The following SMAD7 variants were observed in gnomAD, a reference collection of about 807,000 sequenced individuals.
SMAD7 encodes the protein MAD (mothers against decapentaplegic, Drosophila) homolog 7.
A neutral mutation model predicts 38.7 loss-of-function variants in SMAD7; 8 were observed. The ratio of observed to expected loss-of-function variants is 0.21; its 90% CI spans 0.12 to 0.37. The LOEUF (loss-of-function observed/expected upper bound fraction) is 0.37, where lower values mean the gene tolerates loss of function less well. SMAD7 is among the 10% of genes least tolerant of loss of function. The pLI, the probability that SMAD7 is intolerant of heterozygous loss-of-function variation, is 1.00. For synonymous variants in SMAD7, 327 were observed against 265.1 expected, an observed-to-expected ratio of 1.23 and a Z score of -2.27; for missense variants, 477 against 577.9, an observed-to-expected ratio of 0.83 and a Z score of 1.79.
intron 2 of SMAD7, chr18:48,942,845 G>A (rs117272216): frequency 0.011 from 13,104 of 1,172,362 alleles, 108 homozygotes; most frequent in South Asian, 0.018. Context: ...CCCCCATTAC[G>A]GATACCAGGT....
At chr18:48,925,746 G>A (rs1426950647) in intron 3 of SMAD7, among the ~76,000 whole-genome samples, 1 of 128,418 alleles carries the variant, frequency 7.8e-6, no homozygotes, top group African/African-American at 2.8e-5. Flanking sequence ...CTTCTTAAAT[G>A]TTTTTCTTTT....
intron 2 of SMAD7, among the ~76,000 whole-genome samples, chr18:48,946,517 G>A (rs548506635): frequency 1.2e-4 from 19 of 152,280 alleles, no homozygotes; most frequent in Non-Finnish European, 2.5e-4. Context: ...TATTACTGAT[G>A]CTAAATTCTT....
At position 48,950,345 on chromosome 18, in the gene SMAD7, C is replaced by CCCT; in HGVS notation, c.77_79dup (p.Glu26dup). On this transcript the variant is annotated inframe_insertion, in exon 1 of 4. Coordinates refer to ENST00000262158, the MANE Select transcript of SMAD7 (RefSeq NM_005904.4). ...GCCTCCTCCTCCACCTCCCCCTGCGCCCTCCTCCTCGTCCTCGCCGCCGGG... is the reference window on the plus strand; with the variant it reads ...GCCTCCTCCTCCACCTCCCCCTGCGCCCTCCTCCTCCTCGTCCTCGCCGCCGGG... 2 of 1,542,294 alleles carry CCCT rather than the reference C, an allele frequency of 1.3e-6. No individual in the cohort carries two copies. The highest frequency in any genetic ancestry group is 1.7e-4 in the Middle Eastern group (1 of 5,954).
At chr18:48,922,751 C>G (rs576290758) in intron 3 of SMAD7, among the ~76,000 whole-genome samples, 1 of 152,178 alleles carries the variant, frequency 6.6e-6, no homozygotes, top group East Asian at 1.9e-4. Context: ...TCTGCCGGCA[C>G]CCCCATCCCC....
rs116189128 is a variant in SMAD7, at chr18:48,947,429, T to C, written c.667+955A>G. ...GACTTGCAGAATTCCAGGAGCTAAATGGTGCCCAACCCTTCACTTTTCCTT... is the reference window on the plus strand; with the variant it reads ...GACTTGCAGAATTCCAGGAGCTAAACGGTGCCCAACCCTTCACTTTTCCTT... On this transcript the variant is annotated intron_variant, in intron 2 of 3. Transcript: ENST00000262158. 9.7e-4 allele frequency among the ~76,000 whole-genome samples: 147 copies of C among 152,328 alleles called. 1 individual carries two copies. Among genetic ancestry groups the C allele is most frequent in the African/African-American group, 2.6e-3 (108 of 41,572 alleles).
rs2070152962 is a variant in SMAD7, at chr18:48,942,547, G to C, written c.676C>G (p.Pro226Ala). The C allele has an allele frequency of 6.2e-7, 1 of 1,613,222 alleles. No individual in the cohort carries two copies. Among genetic ancestry groups the C allele is most frequent in the African/African-American group, 1.3e-5 (1 of 74,894 alleles). The change falls in exon 3 of 4, where the codon CCA becomes GCA. Residue 226 changes from proline to alanine, a missense_variant. Pro to Ala is a conservative substitution (Grantham distance 27, BLOSUM62 -1). Coordinates refer to ENST00000262158, the MANE Select transcript of SMAD7 (RefSeq NM_005904.4). ...TCAGCGGAGGAAGGCACAGCATCTG[G>C]ACAGTCTGCTGTGGATTTGAAAAGG... ...MDFLKPTADC[P>A]DAVPSSAETG...
At chr18:48,949,184 T>C in intron 1 of SMAD7, 1 of 565,514 alleles carries the variant, frequency 1.8e-6, no homozygotes, top group African/African-American at 2.0e-5. Flanking sequence ...TGCCTGTTTG[T>C]TCCTCTGCAC....
intron 3 of SMAD7, among the ~76,000 whole-genome samples, chr18:48,929,569 T>TCTCTCTCTCTCACACACACACA (rs3082710): frequency 8.7e-6 from 1 of 114,558 alleles, no homozygotes; most frequent in Non-Finnish European, 1.8e-5. Flanking sequence ...TCTCTCTCTC[T>TCTCTCTCTCTCACACACACACA]CACTCACACA....
intron 3 of SMAD7, among the ~76,000 whole-genome samples, chr18:48,924,299 C>T (rs966835383): frequency 1.1e-4 from 16 of 152,120 alleles, no homozygotes; most frequent in Non-Finnish European, 7.3e-5. Flanking sequence ...AACCTGGCAC[C>T]GGCCAACAGG....
rs2143809019 is a variant in SMAD7 at position 48,942,508 on chromosome 18, T to C, written c.715A>G (p.Asn239Asp). ...GAAAGCCCCCCAGGGGCCAGATAAT[T>C]CGTTCCCCCTGTTTCAGCGGAGGAA... ...VPSSAETGGT[N>D]YLAPGGLSDS... Residue 239 changes from asparagine to aspartate, a missense_variant, in exon 3 of 4, where the codon AAT (asparagine) becomes GAT (aspartate). Asn to Asp is a conservative substitution (Grantham distance 23, BLOSUM62 1). Around this residue, in one of 2 missense-constraint regions of SMAD7, gnomAD observed 376 missense variants for 379.4 expected, o/e 0.99. Coordinates refer to ENST00000262158, the MANE Select transcript of SMAD7 (RefSeq NM_005904.4). 1.9e-6 allele frequency: 3 copies of C among 1,601,608 alleles called. No homozygotes were observed. The East Asian group carries it at 6.7e-5, about 36-fold the overall frequency.
At chr18:48,945,689 T>A (rs1158528869) in intron 2 of SMAD7, among the ~76,000 whole-genome samples, 1 of 152,040 alleles carries the variant, frequency 6.6e-6, no homozygotes, top group African/African-American at 2.4e-5. Flanking sequence ...CCGATCTGGA[T>A]TTGCAGGCTG....
In SMAD7 at chr18:48,921,855, G is replaced by A. The variant is rs746950962; in HGVS notation, c.798C>T (p.Tyr266=). 5.4e-5 allele frequency: 87 copies of A among 1,613,266 alleles called. No homozygotes were observed. The highest frequency in any genetic ancestry group is 6.9e-5 in the Non-Finnish European group (82 of 1,179,960). ...GDRSHWCVVA[Y]WEEKTRVGRL... Reference sequence around the variant, plus strand: ...TCCCCACTCTCGTCTTCTCCTCCCAGTATGCCACCACGCACCAGTGTGACC... The same window carrying A: ...TCCCCACTCTCGTCTTCTCCTCCCAATATGCCACCACGCACCAGTGTGACC... Residue 266 remains tyrosine (Y), a synonymous_variant, in exon 4 of 4, where the codon TAC becomes TAT. Coordinates refer to ENST00000262158, the MANE Select transcript of SMAD7 (RefSeq NM_005904.4). The surrounding 1 kb of genome is among the most constrained non-coding windows in gnomAD (Gnocchi z 6.4).
At chr18:48,937,084 A>T (rs8084567) in intron 3 of SMAD7, among the ~76,000 whole-genome samples, 4,346 of 140,124 alleles carry the variant, frequency 0.031, 215 homozygotes, top group African/African-American at 0.11. Flanking sequence ...ATCTCGAATT[A>T]AAAAAAAAAA....
In SMAD7 at chr18:48,950,547, A is replaced by AG; in HGVS notation, c.-124dup. ...AGGCGCAGGCGACAGCAGCAGCAGC[A>AG]GGGGCCCGGGCAGGAGCGGCGGCGG... On this transcript the variant is annotated 5_prime_UTR_variant, in exon 1 of 4. Coordinates refer to ENST00000262158, the MANE Select transcript of SMAD7 (RefSeq NM_005904.4). 1.1e-6 allele frequency: 1 copy of AG among 946,606 alleles called. No individual in the cohort carries two copies. The highest frequency in any genetic ancestry group is 1.5e-6 in the Non-Finnish European group (1 of 680,182). 58.6% of individuals were successfully genotyped at this position (946,606 alleles called of 1,614,324 possible). A position where few individuals can be genotyped will look rare whatever the true frequency, so the allele number is the denominator to read the frequency against.
chr18:48,921,708 G>T lies in SMAD7; in HGVS notation c.945C>A (p.Ser315Arg), dbSNP rs2069863658. Residue 315 changes from serine (S) to arginine (R), a missense_variant, in exon 4 of 4, where the codon AGC (serine) becomes AGA (arginine). This residue lies in a region of SMAD7 where 101 missense variants were observed against 198.5 expected (regional missense o/e 0.51). Coordinates refer to ENST00000262158, the MANE Select transcript of SMAD7 (RefSeq NM_005904.4). This position sits in a 1 kb window ranked among gnomAD's most constrained non-coding sequence, Gnocchi z 6.4. ...TCAGCTGGATGCCGCAGCCGATTTT[G>T]CTCCGCACCTTCTGCACCAGCTGAC... The part of the protein sequence containing the change: ...NKSQLVQKVR[S>R]KIGCGIQLTR... 1 of 1,613,896 alleles carries T rather than the reference G, an allele frequency of 6.2e-7. No homozygotes were observed.
chr18:48,930,598 TC>T (rs947833357), intron 3 of SMAD7, among the ~76,000 whole-genome samples: 3 of 151,626 alleles, frequency 2.0e-5, no homozygotes, highest in Admixed American at 2.0e-4. Context: ...GCACTGCCCC[TC>T]CCCCACCGCG....
chr18:48,941,451 A>G (rs2070138778), intron 3 of SMAD7, among the ~76,000 whole-genome samples: 1 of 152,342 alleles, frequency 6.6e-6, no homozygotes, highest in Admixed American at 6.5e-5. Flanking sequence ...TGAGCCAGCC[A>G]TGGAAGACAC....
At chr18:48,922,633 A>G (rs2069875563) in intron 3 of SMAD7, among the ~76,000 whole-genome samples, 1 of 152,126 alleles carries the variant, frequency 6.6e-6, no homozygotes, top group South Asian at 2.1e-4. Flanking sequence ...CAAAATGCCA[A>G]ATCACAACAT....
chr18:48,924,037 C>T (rs1243606099), intron 3 of SMAD7, among the ~76,000 whole-genome samples: 2 of 152,174 alleles, frequency 1.3e-5, no homozygotes, highest in Non-Finnish European at 2.9e-5. Context: ...GAAGGAAGGA[C>T]ACATTGGCAT....
Sources: allele counts gnomAD v4.1 joint callset (sites outside exome capture counted in the v4.1 genomes callset), GRCh38; gene constraint gnomAD v4.1.1; regional missense constraint gnomAD v4.1.1; non-coding constraint Gnocchi (gnomAD v3.1); transcripts MANE v1.5; gene names NCBI Gene and HGNC (gene_info 2026-07-23, HGNC 2026-07-21).